ZSWIM5: variants seen among roughly 807,000 people sequenced by gnomAD.
ZSWIM5 encodes the protein zinc finger SWIM domain-containing protein 5.
Under a neutral mutation model 119.6 loss-of-function variants are expected in ZSWIM5, and 55 were observed. The observed-to-expected ratio is 0.46, with a 90% CI of 0.37 to 0.58. The LOEUF (loss-of-function observed/expected upper bound fraction) is 0.58, where lower values mean the gene tolerates loss of function less well. ZSWIM5 is among the 20% of genes least tolerant of loss of function. The probability of loss-of-function intolerance (pLI) is 0.00; values close to 1 mark genes in which losing one functional copy is unlikely to be tolerated. For missense variants in ZSWIM5, 1,193 were observed against 1,512.8 expected, an observed-to-expected ratio of 0.79 and a Z score of 3.51; for synonymous variants, 537 against 606.9, an observed-to-expected ratio of 0.88 and a Z score of 1.69.
Position 45,205,843 on chromosome 1 carries a change from C to T in ZSWIM5, c.508G>A (p.Ala170Thr), listed in dbSNP as rs1307372724. The change falls in exon 1 of 14, where the codon GCG becomes ACG. Residue 170 changes from alanine to threonine, a missense_variant. Physicochemically the swap from Ala to Thr is moderately conservative, Grantham distance 58. Around this residue, in one of 2 missense-constraint regions of ZSWIM5, gnomAD observed 961 missense variants for 1,290.0 expected, o/e 0.74. Coordinates refer to ENST00000359600, the MANE Select transcript of ZSWIM5 (RefSeq NM_020883.2). The stretch of plus-strand genomic sequence containing the variant: ...AGCCCCTCGCCACCGCAGCCGGCCG[C>T]GCCGGCCCCTGCGCCCAGCCCGGGG... ...ASPGLGAGAG[A>T]AGCGGEGLPF... 14 of 1,480,154 alleles carry T rather than the reference C, an allele frequency of 9.5e-6. No homozygotes were observed. The highest frequency in any genetic ancestry group is 1.3e-5 in the Non-Finnish European group (14 of 1,113,974). The allele number at this position is 1,480,154 out of a possible 1,614,324, so 91.7% of individuals were successfully genotyped here. A position where few individuals can be genotyped will look rare whatever the true frequency, so the allele number is the denominator to read the frequency against.
At position 45,018,871 on chromosome 1, in the gene ZSWIM5, A is replaced by G. The variant is rs1441454966; in HGVS notation, c.3141T>C (p.Ala1047=). ...CATTCTTGCCCAGAGAGTGGCTGAG[A>G]GCACAAGCCCAGAGCACATCATTGA... The part of the protein sequence containing the change: ...PAINDVLWAC[A]LSHSLGKNEL... The change falls in exon 14 of 14, where the codon GCT becomes GCC. Residue 1047 remains alanine, a synonymous_variant. Coordinates refer to ENST00000359600, the MANE Select transcript of ZSWIM5 (RefSeq NM_020883.2). The surrounding 1 kb of genome is among the most constrained non-coding windows in gnomAD (Gnocchi z 6.7). 1.9e-6 allele frequency: 3 copies of G among 1,614,204 alleles called. 1 individual carries two copies. In the South Asian group the frequency reaches 3.3e-5, roughly 18 times the overall value.
chr1:45,026,820 A>T (rs1161546498), intron 11 of ZSWIM5, among the ~76,000 whole-genome samples: 1 of 152,148 alleles, frequency 6.6e-6, no homozygotes, highest in Non-Finnish European at 1.5e-5. Context: ...ATTTGGTAGA[A>T]CTCACCAGTG....
At chr1:45,121,655 A>G (rs1412887568) in intron 1 of ZSWIM5, among the ~76,000 whole-genome samples, 1 of 140,964 alleles carries the variant, frequency 7.1e-6, no homozygotes, top group African/African-American at 2.7e-5. Context: ...GCTGGAGTGC[A>G]GTGGCACAAT....
At chr1:45,173,824 T>C (rs1259915906) in intron 1 of ZSWIM5, among the ~76,000 whole-genome samples, 1 of 152,184 alleles carries the variant, frequency 6.6e-6, no homozygotes, top group African/African-American at 2.4e-5. Flanking sequence ...TAAGTGGCAA[T>C]ATTTACACAG....
chr1:45,132,108 TATA>T (rs999485094), intron 1 of ZSWIM5, among the ~76,000 whole-genome samples: 9 of 150,546 alleles, frequency 6.0e-5, no homozygotes, highest in South Asian at 2.1e-4. Flanking sequence ...TTTATAATTT[TATA>T]ATAATTTCAC....
At chr1:45,027,499 T>A (rs1644927714) in intron 11 of ZSWIM5, among the ~76,000 whole-genome samples, 1 of 151,658 alleles carries the variant, frequency 6.6e-6, no homozygotes, top group African/African-American at 2.4e-5. Flanking sequence ...CTGGTTCAAG[T>A]GATTCTTCTG....
At chr1:45,180,358 A>T (rs2149048542) in intron 1 of ZSWIM5, among the ~76,000 whole-genome samples, 1 of 152,296 alleles carries the variant, frequency 6.6e-6, no homozygotes, top group South Asian at 2.1e-4. Flanking sequence ...TCAAACTGCA[A>T]GGCAGCAGCG....
chr1:45,125,483 CAAAAA>C (rs58335990), intron 1 of ZSWIM5, among the ~76,000 whole-genome samples: 1 of 150,302 alleles, frequency 6.7e-6, no homozygotes, highest in African/African-American at 2.5e-5. Context: ...TGCTTTACAT[CAAAAA>C]AAACAAAAAA....
chr1:45,121,000 AGTGTGGTGGC>A (rs1645587829), intron 1 of ZSWIM5, among the ~76,000 whole-genome samples: 1 of 150,092 alleles, frequency 6.7e-6, no homozygotes, highest in South Asian at 2.1e-4. Context: ...CCCAGGCTGG[AGTGTGGTGGC>A]GCGATCTCGG....
intron 1 of ZSWIM5, among the ~76,000 whole-genome samples, chr1:45,190,926 A>ATTTTTT (rs1557794312): frequency 2.5e-4 from 18 of 72,242 alleles, no homozygotes; most frequent in African/African-American, 9.7e-4. Flanking sequence ...AAATAGCTGG[A>ATTTTTT]ATTTTTTTTT....
In ZSWIM5 at chr1:45,060,274, A is replaced by C. The variant is rs768254088; in HGVS notation, c.953-27T>G. The C allele has an allele frequency of 2.5e-6, 4 of 1,609,278 alleles. No homozygotes were observed. In the African/African-American group the frequency reaches 5.3e-5, roughly 22 times the overall value. Reference sequence around the variant, plus strand: ...TATGAAGAATGAGAACAGTGAAATGAATCACCTGAGTTCACATGCTACACA... The same window carrying C: ...TATGAAGAATGAGAACAGTGAAATGCATCACCTGAGTTCACATGCTACACA... On this transcript the variant is annotated intron_variant, in intron 2 of 13. Coordinates refer to ENST00000359600, the MANE Select transcript of ZSWIM5 (RefSeq NM_020883.2).
rs544345590 is a variant in ZSWIM5, at chr1:45,150,015, T to G, written c.595+55741A>C. On this transcript the variant is annotated intron_variant, in intron 1 of 13. Transcript: ENST00000359600. ...AAGACCACATCTCTACAAAAAAATT[T>G]AAATATTAGCAGGGCATGGTGGTGT... is the stretch of plus-strand genomic sequence containing the variant. Among the ~76,000 whole-genome samples the G allele has an allele frequency of 4.0e-5, 6 of 150,854 alleles. No individual in the cohort carries two copies. In the South Asian group the frequency reaches 1.3e-3, roughly 32 times the overall value.
In ZSWIM5 at chr1:45,160,989, A is replaced by ATTTT. The variant is rs534599856; in HGVS notation, c.595+44763_595+44766dup. Among the ~76,000 whole-genome samples, 28 of 122,664 alleles carry ATTTT rather than the reference A, an allele frequency of 2.3e-4. 1 individual carries two copies. The highest frequency in any genetic ancestry group is 4.1e-4 in the Non-Finnish European group (23 of 56,412). 80.5% of individuals were successfully genotyped at this position (122,664 alleles called of 152,430 possible). A position where few individuals can be genotyped will look rare whatever the true frequency, so the allele number is the denominator to read the frequency against. On this transcript the variant is annotated intron_variant, in intron 1 of 13. Coordinates refer to ENST00000359600, the MANE Select transcript of ZSWIM5 (RefSeq NM_020883.2). ...AGCGCCTGCCACCATGCCCGGCTAA[A>ATTTT]TTTTTTTTTTTTTTTTTAGTAGAGA...
At chr1:45,020,553 G>A (rs890779535) in intron 12 of ZSWIM5, 72 bp downstream of exon 12, 1 of 1,544,964 alleles carries the variant, frequency 6.5e-7, no homozygotes, top group Non-Finnish European at 8.8e-7. Context: ...CAGTCTCCCA[G>A]AGATCTTATC....
At chr1:45,198,577 A>G (rs1005957740) in intron 1 of ZSWIM5, among the ~76,000 whole-genome samples, 1 of 108,626 alleles carries the variant, frequency 9.2e-6, no homozygotes, top group Non-Finnish European at 1.9e-5. Flanking sequence ...TCTCCACCAC[A>G]ACAATGTTCC....
Position 45,206,527 on chromosome 1 carries a change from G to A in ZSWIM5, c.-177C>T, listed in dbSNP as rs1646193667. The A allele has an allele frequency of 2.9e-6, 3 of 1,042,510 alleles. No homozygotes were observed. Among genetic ancestry groups the A allele is most frequent in the Non-Finnish European group, 3.5e-6 (3 of 869,072 alleles). 64.6% of individuals were successfully genotyped at this position (1,042,510 alleles called of 1,614,324 possible). Reference sequence around the variant, plus strand: ...GAACCGCGGCCGGGCCCGGGAGCGCGCCGCGAGGGCAGACGCGGGCGGCCT... The same window carrying A: ...GAACCGCGGCCGGGCCCGGGAGCGCACCGCGAGGGCAGACGCGGGCGGCCT... On this transcript the variant is annotated 5_prime_UTR_variant, in exon 1 of 14. Coordinates refer to ENST00000359600, the MANE Select transcript of ZSWIM5 (RefSeq NM_020883.2).
At chr1:45,053,127 CA>C (rs60199581) in intron 4 of ZSWIM5, among the ~76,000 whole-genome samples, 94,275 of 122,682 alleles carry the variant, frequency 0.77, 34,932 homozygotes, top group Middle Eastern at 0.88. Context: ...CCGTCTCAAA[CA>C]AAAAAAAAAA....
chr1:45,104,995 G>A (rs977899177), intron 1 of ZSWIM5, among the ~76,000 whole-genome samples: 1 of 152,168 alleles, frequency 6.6e-6, no homozygotes, highest in Non-Finnish European at 1.5e-5. Flanking sequence ...GAAATTAGAT[G>A]TGTATTTTAA....
chr1:45,073,106 T>A (rs1645233923), intron 2 of ZSWIM5, among the ~76,000 whole-genome samples: 1 of 151,836 alleles, frequency 6.6e-6, no homozygotes, highest in Non-Finnish European at 1.5e-5. Context: ...TTCATCAGTG[T>A]TTTATAGTTT....
Sources: gnomAD v4.1 joint callset for allele counts (sites outside exome capture counted in the v4.1 genomes callset) on GRCh38, gnomAD v4.1.1 for gene constraint, gnomAD v4.1.1 regional missense constraint, Gnocchi (gnomAD v3.1) non-coding constraint, MANE v1.5 for transcripts, NCBI Gene and HGNC (gene_info 2026-07-23, HGNC 2026-07-21) for gene names.